EML5: variants seen among roughly 807,000 people sequenced by gnomAD.
EML5 encodes the protein echinoderm microtubule-associated protein-like 5.
A neutral mutation model predicts 250.0 loss-of-function variants in EML5; 120 were observed. The observed-to-expected ratio is 0.48, with a 90% CI of 0.41 to 0.56. The LOEUF (loss-of-function observed/expected upper bound fraction) is 0.56, where lower values mean the gene tolerates loss of function less well. Among genes scored for constraint, EML5 ranks in the 20% least tolerant of loss-of-function variants. The probability of loss-of-function intolerance (pLI) is 0.00; values close to 1 mark genes in which losing one functional copy is unlikely to be tolerated. For synonymous variants in EML5, 771 were observed against 806.5 expected (o/e 0.96, Z 0.75); for missense variants, 2,006 against 2,437.6 (o/e 0.82, Z 3.73).
intron 8 of EML5, among the ~76,000 whole-genome samples, chr14:88,726,195 G>A (rs987176017): frequency 1.3e-5 from 2 of 152,110 alleles, no homozygotes; most frequent in African/African-American, 4.8e-5. Flanking sequence ...AACAGCCTCA[G>A]CTTGTTAAAC....
intron 1 of EML5, among the ~76,000 whole-genome samples, chr14:88,757,908 T>C (rs2094184561): frequency 6.6e-6 from 1 of 151,928 alleles, no homozygotes; most frequent in Non-Finnish European, 1.5e-5. Flanking sequence ...TGGAGTACAG[T>C]GACACAATCA....
intron 25 of EML5, among the ~76,000 whole-genome samples, chr14:88,658,774 T>A (rs1028903388): frequency 6.6e-6 from 1 of 151,936 alleles, no homozygotes; most frequent in African/African-American, 2.4e-5. Context: ...GTGAAAAAAA[T>A]TAAATACCTT....
intron 21 of EML5, among the ~76,000 whole-genome samples, chr14:88,668,714 G>C (rs767045775): frequency 3.9e-5 from 6 of 152,144 alleles, no homozygotes; most frequent in Non-Finnish European, 8.8e-5. Flanking sequence ...TGCTGGTTGG[G>C]TGCAGGCATA....
At chr14:88,770,938 T>C (rs912917172) in intron 1 of EML5, among the ~76,000 whole-genome samples, 6 of 152,190 alleles carry the variant, frequency 3.9e-5, no homozygotes, top group Admixed American at 3.9e-4. Context: ...TGCTGAGTAA[T>C]GGAAATTAAT....
chr14:88,679,772 C>T (rs76857808), intron 21 of EML5, among the ~76,000 whole-genome samples: 1 of 152,150 alleles, frequency 6.6e-6, no homozygotes, highest in African/African-American at 2.4e-5. Context: ...GTCCTTGAAG[C>T]CATCAAACAA....
chr14:88,672,614 G>A (rs775231092), intron 21 of EML5, among the ~76,000 whole-genome samples: 3 of 151,764 alleles, frequency 2.0e-5, no homozygotes, highest in Non-Finnish European at 4.4e-5. Flanking sequence ...TCCAGGGGCC[G>A]GTTTTTGAAA....
chr14:88,726,119 G>C (rs2093663008), intron 8 of EML5, among the ~76,000 whole-genome samples: 1 of 152,060 alleles, frequency 6.6e-6, no homozygotes, highest in Admixed American at 6.6e-5. Flanking sequence ...AACAAAAGAA[G>C]AGATGGAAGC....
chr14:88,714,405 G>A (rs1017694723), intron 9 of EML5, among the ~76,000 whole-genome samples: 4 of 152,048 alleles, frequency 2.6e-5, no homozygotes, highest in African/African-American at 9.7e-5. Flanking sequence ...GTGGGGGCCG[G>A]GGTGGATATA....
chr14:88,662,172 T>C (rs553913106), intron 24 of EML5, among the ~76,000 whole-genome samples: 1 of 152,044 alleles, frequency 6.6e-6, no homozygotes, highest in Admixed American at 6.6e-5. Context: ...ATGCATTATG[T>C]TTTCCAACTA....
At chr14:88,694,116 A>G (rs2093023609) in intron 17 of EML5, among the ~76,000 whole-genome samples, 191 bp downstream of exon 17, 1 of 152,036 alleles carries the variant, frequency 6.6e-6, no homozygotes, top group South Asian at 2.1e-4. Flanking sequence ...GTTGAAACTA[A>G]GAAACCAACA....
chr14:88,719,902 A>G (rs987755155), intron 8 of EML5, among the ~76,000 whole-genome samples: 4 of 152,174 alleles, frequency 2.6e-5, no homozygotes, highest in African/African-American at 9.7e-5. Context: ...TAGACTAATG[A>G]AGGAGAAAAG....
intron 24 of EML5, 32 bp from the exon 25 acceptor site, chr14:88,661,862 A>T (rs771599073): frequency 1.3e-5 from 21 of 1,590,820 alleles, no homozygotes; most frequent in Non-Finnish European, 1.8e-5. Flanking sequence ...GTAAGTTTGG[A>T]TTATCCAAAC....
In EML5 at chr14:88,698,697, T is replaced by C. The variant is rs568908158; in HGVS notation, c.2239-1745A>G. On this transcript the variant is annotated intron_variant, in intron 14 of 43. Coordinates refer to ENST00000554922, the MANE Select transcript of EML5 (RefSeq NM_183387.3). The stretch of plus-strand genomic sequence containing the variant: ...TTTGCCCTGAGGTATCTCACTTCTA[T>C]AGTTTCAGTGGTTAAATCAATAAAT... Among the ~76,000 whole-genome samples, 6 of 152,322 alleles carry C rather than the reference T, an allele frequency of 3.9e-5. No homozygotes were observed. The East Asian group carries it at 5.8e-4, about 15-fold the overall frequency.
At chr14:88,775,666 C>T (rs1227594625) in intron 1 of EML5, among the ~76,000 whole-genome samples, 2 of 152,168 alleles carry the variant, frequency 1.3e-5, no homozygotes, top group African/African-American at 4.8e-5. Flanking sequence ...ACCTCTGGAC[C>T]CACCCAAGCC....
chr14:88,621,395 A>C (rs758992884), intron 37 of EML5, 94 bp from the exon 38 acceptor site: 1 of 1,511,346 alleles, frequency 6.6e-7, no homozygotes, highest in Non-Finnish European at 9.1e-7. Flanking sequence ...CTGCTTTCAG[A>C]GAACTTTTTG....
chr14:88,660,614 G>A (rs1186815246), intron 25 of EML5, among the ~76,000 whole-genome samples: 3 of 152,012 alleles, frequency 2.0e-5, no homozygotes, highest in South Asian at 2.1e-4. Context: ...ATGGTGGTGC[G>A]CGCCTGTAAT....
rs1461211967 is a variant in EML5, at chr14:88,685,113, G to A, written c.2884C>T (p.Arg962Cys). 5.6e-6 allele frequency: 9 copies of A among 1,600,776 alleles called. No individual in the cohort carries two copies. Among genetic ancestry groups the A allele is most frequent in the East Asian group, 2.3e-5 (1 of 44,226 alleles). ...TGACCATGTCCTAATGATATGGCAC[G>A]TATAGATGGATTATCTTCCAAGAGA... ...GLLLEDNPSIRAISLGHGHIL... is the reference protein window; with the variant it reads ...GLLLEDNPSICAISLGHGHIL... The change falls in exon 20 of 44, where the codon CGT becomes TGT. Residue 962 changes from arginine (R) to cysteine (C), a missense_variant. Arg to Cys is a radical substitution (Grantham distance 180, BLOSUM62 -3). Coordinates refer to ENST00000554922, the MANE Select transcript of EML5 (RefSeq NM_183387.3).
intron 3 of EML5, among the ~76,000 whole-genome samples, chr14:88,745,341 G>A (rs2093990072): frequency 6.6e-6 from 1 of 151,888 alleles, no homozygotes; most frequent in Non-Finnish European, 1.5e-5. Context: ...GTTCAGGTTA[G>A]GATTTTACTA....
intron 1 of EML5, among the ~76,000 whole-genome samples, chr14:88,786,162 T>G (rs1390861272): frequency 6.6e-6 from 1 of 152,212 alleles, no homozygotes; most frequent in East Asian, 1.9e-4. Context: ...TAGTCTCTAC[T>G]TAAGTGTCAC....
Sources: gnomAD v4.1 joint callset for allele counts (sites outside exome capture counted in the v4.1 genomes callset) on GRCh38, gnomAD v4.1.1 for gene constraint, MANE v1.5 for transcripts, NCBI Gene and HGNC (gene_info 2026-07-23, HGNC 2026-07-21) for gene names.